The following CD226 variants were observed in gnomAD, a reference collection of about 807,000 sequenced individuals.
The protein encoded by CD226 is CD226 antigen.
CD226 carries 24 observed loss-of-function variants against 34.9 expected under a neutral mutation model. The ratio of observed to expected loss-of-function variants is 0.69; its 90% CI spans 0.50 to 0.97. The LOEUF is 0.97. Ranked by LOEUF, CD226 falls within the 50% of genes least tolerant of loss-of-function variation. CD226 has a pLI of 0.00. For synonymous variants in CD226, 148 were observed against 147.4 expected (o/e 1.00, Z -0.03); for missense variants, 397 against 412.7 (o/e 0.96, Z 0.33).
intron 2 of CD226, among the ~76,000 whole-genome samples, chr18:69,944,784 A>T (rs1355985769): frequency 1.3e-5 from 2 of 152,240 alleles, no homozygotes; most frequent in African/African-American, 4.8e-5. Context: ...AGGATTTAAC[A>T]GGTGTCTACA....
intron 3 of CD226, among the ~76,000 whole-genome samples, chr18:69,873,498 T>C (rs1352003701): frequency 6.6e-6 from 1 of 151,374 alleles, no homozygotes; most frequent in African/African-American, 2.4e-5. Context: ...AAAAAAAATA[T>C]AAAGAGCATG....
At chr18:69,895,330 G>C (rs1319699845) in intron 3 of CD226, among the ~76,000 whole-genome samples, 1 of 152,158 alleles carries the variant, frequency 6.6e-6, no homozygotes, top group East Asian at 1.9e-4. Context: ...GGTATGTGGG[G>C]ATTCTAACAC....
chr18:69,936,756 T>C (rs2055658918), intron 2 of CD226, among the ~76,000 whole-genome samples: 2 of 152,220 alleles, frequency 1.3e-5, no homozygotes, highest in African/African-American at 4.8e-5. Context: ...ATGACTTTTT[T>C]TCTTATTTCT....
rs115588972 is a variant in CD226 at position 69,909,609 on chromosome 18, T to G, written c.383-13564A>C. Among the ~76,000 whole-genome samples the G allele has an allele frequency of 5.0e-3, 758 of 152,300 alleles. 5 individuals are homozygous for G. The highest frequency in any genetic ancestry group is 0.017 in the African/African-American group (718 of 41,566). Reference sequence around the variant, plus strand: ...TGAGTACAGCTATTAGCAGGGATAGTTGTAATCATCACATCGATTCAGAAA... The same window carrying G: ...TGAGTACAGCTATTAGCAGGGATAGGTGTAATCATCACATCGATTCAGAAA... On this transcript the variant is annotated intron_variant, in intron 2 of 5. Coordinates refer to ENST00000582621, the MANE Select transcript of CD226 (RefSeq NM_001303618.2).
chr18:69,882,701 C>T (rs1006853763), intron 3 of CD226, among the ~76,000 whole-genome samples: 5 of 152,192 alleles, frequency 3.3e-5, no homozygotes, highest in African/African-American at 1.2e-4. Context: ...CTGCACATAC[C>T]TTTCTCACTG....
chr18:69,866,986 C>T (rs564571199), intron 5 of CD226, among the ~76,000 whole-genome samples: 12 of 152,236 alleles, frequency 7.9e-5, no homozygotes, highest in Middle Eastern at 3.4e-3. Context: ...GACACTGTTT[C>T]TTGTACTTCA....
At chr18:69,903,569 A>G (rs189788068) in intron 2 of CD226, among the ~76,000 whole-genome samples, 11 of 152,172 alleles carry the variant, frequency 7.2e-5, no homozygotes, top group Admixed American at 2.0e-4. Context: ...TGCAGATACA[A>G]TTAGTTAACA....
chr18:69,899,679 G>A (rs184768271), intron 2 of CD226, among the ~76,000 whole-genome samples: 48 of 152,276 alleles, frequency 3.2e-4, no homozygotes, highest in African/African-American at 1.0e-3. Context: ...ATGACAAAAA[G>A]CTCAATATCA....
intron 3 of CD226, among the ~76,000 whole-genome samples, chr18:69,891,538 G>A (rs550573624): frequency 9.2e-5 from 14 of 152,222 alleles, no homozygotes; most frequent in African/African-American, 3.1e-4. Context: ...AAAGGAAGAA[G>A]TAATATTATC....
In CD226 at chr18:69,905,874, G is replaced by A. The variant is rs185417459; in HGVS notation, c.383-9829C>T. Among the ~76,000 whole-genome samples, 3 of 152,298 alleles carry A rather than the reference G, an allele frequency of 2.0e-5. No homozygotes were observed. The East Asian group carries it at 5.8e-4, about 29-fold the overall frequency. ...TGAGTTTCAGAAGCAGCTATTGCCC[G>A]ACGGTGCTCACCAAGGTCTGTCAAA... On this transcript the variant is annotated intron_variant, in intron 2 of 5. Transcript: ENST00000582621.
At chr18:69,870,495 G>A (rs1191220723) in intron 4 of CD226, among the ~76,000 whole-genome samples, 4 of 151,512 alleles carry the variant, frequency 2.6e-5, no homozygotes, top group Admixed American at 6.6e-5. Flanking sequence ...GGCTGGTCTC[G>A]AACTCCTGAC....
chr18:69,932,985 G>A (rs2055606740), intron 2 of CD226, among the ~76,000 whole-genome samples: 1 of 152,184 alleles, frequency 6.6e-6, no homozygotes, highest in Non-Finnish European at 1.5e-5. Context: ...TAAAGAGCGG[G>A]GAAATGGGAA....
chr18:69,961,162 T>C (rs866325285), upstream of CD226, among the ~76,000 whole-genome samples: 3 of 152,236 alleles, frequency 2.0e-5, no homozygotes, highest in Middle Eastern at 3.2e-3. Flanking sequence ...TGTATGTATA[T>C]GTAGGTATAA....
chr18:69,956,443 T>C (rs2055897923), intron 1 of CD226, among the ~76,000 whole-genome samples: 2 of 152,254 alleles, frequency 1.3e-5, no homozygotes, highest in African/African-American at 2.4e-5. Flanking sequence ...ACAGACCAGA[T>C]GCCGGTAAAA....
At chr18:69,944,635 G>A (rs2055767311) in intron 2 of CD226, 1 of 152,254 alleles carries the variant, frequency 6.6e-6, no homozygotes, top group Admixed American at 6.5e-5. Context: ...CAAGGCAGCA[G>A]TGGGGAGTGC....
intron 2 of CD226, among the ~76,000 whole-genome samples, chr18:69,915,367 A>G (rs1158191618): frequency 6.6e-6 from 1 of 152,174 alleles, no homozygotes; most frequent in African/African-American, 2.4e-5. Flanking sequence ...TTATCATGCC[A>G]TGGTTCTCCA....
intron 2 of CD226, among the ~76,000 whole-genome samples, chr18:69,935,041 T>C (rs1295599303): frequency 2.6e-5 from 4 of 152,154 alleles, no homozygotes; most frequent in Admixed American, 6.5e-5. Flanking sequence ...AGAAACCAGA[T>C]CTTTTTATCG....
intron 2 of CD226, among the ~76,000 whole-genome samples, chr18:69,938,746 T>C (rs972849885): frequency 3.3e-5 from 5 of 152,238 alleles, no homozygotes; most frequent in African/African-American, 1.2e-4. Flanking sequence ...CTTAGAGCTT[T>C]CAACTGCTCA....
In CD226 at chr18:69,864,202, A is replaced by G. The variant is rs530682432; in HGVS notation, c.*112T>C. On this transcript the variant is annotated 3_prime_UTR_variant, in exon 6 of 6. Coordinates refer to ENST00000582621, the MANE Select transcript of CD226 (RefSeq NM_001303618.2). ...GTATTTTTCCTATCAAAGTAACTCA[A>G]TTCAGACAACTAGTATCTAAGGTAG... 1.0e-5 allele frequency: 9 copies of G among 893,990 alleles called. No homozygotes were observed. The Middle Eastern group carries it at 7.6e-4, about 76-fold the overall frequency. The allele number at this position is 893,990 out of a possible 1,614,324, so 55.4% of individuals were successfully genotyped here.
Sources: gnomAD v4.1 joint callset for allele counts (sites outside exome capture counted in the v4.1 genomes callset) on GRCh38, gnomAD v4.1.1 for gene constraint, MANE v1.5 for transcripts, NCBI Gene and HGNC (gene_info 2026-07-23, HGNC 2026-07-21) for gene names.